Variants in GSE1 observed in about 807,000 individuals in gnomAD.
The protein encoded by GSE1 is Gse1 coiled-coil protein, also known as genetic suppressor element 1.
GSE1 carries 32 observed loss-of-function variants against 112.6 expected under a neutral mutation model. That is an observed-to-expected ratio of 0.28 (90% CI 0.21 to 0.38). GSE1 has a LOEUF of 0.38. GSE1 is among the 10% of genes least tolerant of loss of function. GSE1 has a pLI of 1.00. For missense variants in GSE1, 2,348 were observed against 1,699.2 expected (o/e 1.38, Z -6.71); for synonymous variants, 1,115 against 735.6 (o/e 1.52, Z -8.35).
At chr16:85,191,500 T>G (rs1002061964) in intron 1 of GSE1, among the ~76,000 whole-genome samples, 6 of 152,190 alleles carry the variant, frequency 3.9e-5, no homozygotes, top group Non-Finnish European at 5.9e-5. Flanking sequence ...TTTTGGAAAG[T>G]TCAGAGAGGA....
intron 1 of GSE1, among the ~76,000 whole-genome samples, chr16:85,221,298 C>T (rs903785387): frequency 6.8e-6 from 1 of 147,990 alleles, no homozygotes; most frequent in African/African-American, 2.5e-5. Flanking sequence ...GCCTGGTTCA[C>T]ACTTCCCTAG....
intron 1 of GSE1, among the ~76,000 whole-genome samples, chr16:85,617,922 C>A (rs1200169951): frequency 6.6e-6 from 1 of 152,192 alleles, no homozygotes; most frequent in East Asian, 1.9e-4. Flanking sequence ...ACCTCCCCCG[C>A]AGGACGGCGT....
intron 2 of GSE1, among the ~76,000 whole-genome samples, chr16:85,645,929 C>T (rs1163030331): frequency 2.0e-5 from 3 of 149,352 alleles, no homozygotes; most frequent in Non-Finnish European, 4.4e-5. Flanking sequence ...TGCATTCTGC[C>T]TGCTTCTACC....
At chr16:85,515,482 G>C (rs944773113) in intron 2 of GSE1, among the ~76,000 whole-genome samples, 32 of 152,306 alleles carry the variant, frequency 2.1e-4, no homozygotes, top group African/African-American at 6.5e-4. Flanking sequence ...ATCTGGCAGC[G>C]GGTGGGCGGA....
At chr16:85,240,808 G>A (rs149629714) in intron 1 of GSE1, among the ~76,000 whole-genome samples, 2 of 152,218 alleles carry the variant, frequency 1.3e-5, no homozygotes, top group Admixed American at 1.3e-4. Context: ...TCAGAGGCTG[G>A]TGCTGGGTTG....
intron 2 of GSE1, among the ~76,000 whole-genome samples, chr16:85,444,263 C>T (rs2049453574): frequency 6.6e-6 from 1 of 152,184 alleles, no homozygotes; most frequent in Non-Finnish European, 1.5e-5. Context: ...GGATTACAGG[C>T]GTAAGCCATT....
At chr16:85,668,037 G>T (rs1015987434) in intron 13 of GSE1, 103 bp from the exon 14 acceptor site, 2 of 869,322 alleles carry the variant, frequency 2.3e-6, no homozygotes, top group South Asian at 3.4e-5. Context: ...GAGCCCTGCA[G>T]TCATGTTGAC....
intron 2 of GSE1, among the ~76,000 whole-genome samples, chr16:85,426,203 A>C (rs1250702223): frequency 2.7e-5 from 4 of 146,618 alleles, no homozygotes; most frequent in Non-Finnish European, 4.5e-5. Context: ...GGATGGCTGG[A>C]TGGATGGATG....
chr16:85,635,814 C>T (rs772717862), intron 2 of GSE1, among the ~76,000 whole-genome samples: 14 of 152,214 alleles, frequency 9.2e-5, no homozygotes, highest in East Asian at 1.9e-4. Context: ...CCCTGGGTAA[C>T]GCTGCAGAGG....
At position 85,656,660 on chromosome 16, in the gene GSE1, G is replaced by A. The variant is rs918306046; in HGVS notation, c.1307G>A (p.Arg436Gln). ...GKPSEQLTPT[R>Q]AEKLKDAGLQ... ...CCCTCGGAGCAGCTGACCCCAACCCGAGCAGGTACCTGGGCGTGGGTGGGC... is the reference window on the plus strand; with the variant it reads ...CCCTCGGAGCAGCTGACCCCAACCCAAGCAGGTACCTGGGCGTGGGTGGGC... Residue 436 changes from arginine (R) to glutamine (Q), a missense_variant, in exon 7 of 16, where the codon CGA becomes CAA. Arg to Gln is a conservative substitution (Grantham distance 43, BLOSUM62 1). Coordinates refer to ENST00000253458, the MANE Select transcript of GSE1 (RefSeq NM_014615.5). 1.3e-5 allele frequency: 20 copies of A among 1,514,398 alleles called. No homozygotes were observed. Among genetic ancestry groups the A allele is most frequent in the East Asian group, 4.9e-5 (2 of 40,474 alleles). The allele number at this position is 1,514,398 out of a possible 1,614,324, so 93.8% of individuals were successfully genotyped here.
At chr16:85,475,045 G>A (rs753932576) in intron 2 of GSE1, among the ~76,000 whole-genome samples, 1 of 152,088 alleles carries the variant, frequency 6.6e-6, no homozygotes, top group African/African-American at 2.4e-5. Flanking sequence ...TACCACTAAT[G>A]TGGCCCAGGG....
In GSE1 at chr16:85,230,202, C is replaced by T. The variant is rs77237914; in HGVS notation, c.2283+58395C>T. Among the ~76,000 whole-genome samples, 1,073 of 152,298 alleles carry T rather than the reference C, an allele frequency of 7.0e-3. 19 individuals carry two copies. The highest frequency in any genetic ancestry group is 0.024 in the African/African-American group (1,007 of 41,556). ...GGGTCTTGTCTGGCCTCCTTTAACC[C>T]CATGCTGGCATTGAGTGCCTGTGCC... On this transcript the variant is annotated intron_variant, in intron 1 of 2. Transcript: ENST00000637419.
chr16:85,672,627 T>C lies in GSE1; in HGVS notation c.*88T>C. 1.0e-6 allele frequency: 1 copy of C among 961,482 alleles called. No homozygotes were observed. The highest frequency in any genetic ancestry group is 1.5e-6 in the Non-Finnish European group (1 of 686,890). 59.6% of individuals were successfully genotyped at this position (961,482 alleles called of 1,614,324 possible). A position where few individuals can be genotyped will look rare whatever the true frequency, so the allele number is the denominator to read the frequency against. ...ATATTTAATATTTTTCACTGGGAGG[T>C]TTGAAGCTTACAAAATGAGAATGTG... On this transcript the variant is annotated 3_prime_UTR_variant, in exon 16 of 16. Transcript: ENST00000253458.
intron 2 of GSE1, among the ~76,000 whole-genome samples, chr16:85,486,097 G>A (rs891567080): frequency 2.0e-5 from 3 of 152,138 alleles, no homozygotes; most frequent in Admixed American, 2.0e-4. Context: ...GCCAACTGGG[G>A]GCACCCCATG....
intron 11 of GSE1, among the ~76,000 whole-genome samples, chr16:85,664,057 C>T (rs2052643048): frequency 6.6e-6 from 1 of 152,286 alleles, no homozygotes; most frequent in African/African-American, 2.4e-5. Flanking sequence ...GCAGCACACA[C>T]TGAGCAGATG....
rs921790111 is a variant in GSE1 at position 85,476,347 on chromosome 16, G to T, written c.2464+118704G>T. 3.3e-5 allele frequency among the ~76,000 whole-genome samples: 5 copies of T among 152,328 alleles called. No individual in the cohort carries two copies. In the South Asian group the frequency reaches 1.0e-3, roughly 32 times the overall value. On this transcript the variant is annotated intron_variant, in intron 2 of 2. Coordinates refer to the GSE1 transcript ENST00000637419. ...CAACTTGCAGGCACCTGCCGAGGCT[G>T]GGTTGACGTTCAGGGATGGTGAGGT...
chr16:85,602,665 A>T (rs2047518524), intron 1 of GSE1, among the ~76,000 whole-genome samples: 1 of 152,230 alleles, frequency 6.6e-6, no homozygotes, highest in East Asian at 1.9e-4. Flanking sequence ...GAGCCAGTGG[A>T]TGGACCACGA....
chr16:85,354,041 C>T (rs567744982), intron 1 of GSE1, among the ~76,000 whole-genome samples: 28 of 152,350 alleles, frequency 1.8e-4, no homozygotes, highest in Non-Finnish European at 3.4e-4. Context: ...CCTGTTCCCA[C>T]TCCCTTTCAA....
rs564823220 is a variant in GSE1 at position 85,590,368 on chromosome 16, TGA to T, written c.37+34007_37+34008del. ...GCGTGGGCCTGCTTGTGAATGAGTG[TGA>T]GTGTGTGAGATTGTGTGAACATGTG... On this transcript the variant is annotated intron_variant, in intron 1 of 2. Transcript: ENST00000635906. Among the ~76,000 whole-genome samples the T allele has an allele frequency of 4.6e-3, 692 of 149,644 alleles. 5 individuals are homozygous for T. The highest frequency in any genetic ancestry group is 0.016 in the African/African-American group (642 of 40,158).
Sources: gnomAD v4.1 joint callset for allele counts (sites outside exome capture counted in the v4.1 genomes callset) on GRCh38, gnomAD v4.1.1 for gene constraint, MANE v1.5 for transcripts, NCBI Gene and HGNC (gene_info 2026-07-23, HGNC 2026-07-21) for gene names.